ZFHX3: variants seen among roughly 807,000 people sequenced by gnomAD.
ZFHX3 encodes zinc finger homeobox protein 3.
Under a neutral mutation model 279.1 loss-of-function variants are expected in ZFHX3, and 42 were observed. The ratio of observed to expected loss-of-function variants is 0.15; its 90% confidence interval spans 0.12 to 0.19. ZFHX3 has a LOEUF of 0.19. ZFHX3 is among the 10% of genes least tolerant of loss of function. ZFHX3 has a pLI of 1.00. For synonymous variants in ZFHX3, 2,293 were observed against 1,957.8 expected, an observed-to-expected ratio of 1.17 and a Z score of -4.52; for missense variants, 4,981 against 4,754.0, an observed-to-expected ratio of 1.05 and a Z score of -1.40.
chr16:73,395,372 G>A (rs1277203111), intron 3 of ZFHX3, among the ~76,000 whole-genome samples: 1 of 152,016 alleles, frequency 6.6e-6, no homozygotes, highest in African/African-American at 2.4e-5. Flanking sequence ...GCTGAGGTAG[G>A]AGAATCACTT....
At chr16:73,187,666 T>A (rs931766848) in intron 5 of ZFHX3, among the ~76,000 whole-genome samples, 1 of 152,176 alleles carries the variant, frequency 6.6e-6, no homozygotes, top group African/African-American at 2.4e-5. Flanking sequence ...AGACCAGAAA[T>A]GGAGCAGGCG....
intron 1 of ZFHX3, among the ~76,000 whole-genome samples, chr16:73,879,038 C>G (rs143861147): frequency 9.4e-4 from 142 of 150,804 alleles, no homozygotes; most frequent in Middle Eastern, 3.5e-3. Context: ...CATTTTGCTT[C>G]TTAATTTCCA....
At chr16:73,094,901 G>A (rs1171712872) in intron 7 of ZFHX3, among the ~76,000 whole-genome samples, 1 of 151,984 alleles carries the variant, frequency 6.6e-6, no homozygotes. Flanking sequence ...TAGAGATAGG[G>A]TTTTCCTCAT....
intron 4 of ZFHX3, among the ~76,000 whole-genome samples, chr16:73,294,506 C>T (rs973160565): frequency 6.6e-6 from 1 of 152,210 alleles, no homozygotes; most frequent in African/African-American, 2.4e-5. Context: ...TGCTCAGTAA[C>T]ATAGTTTAAA....
intron 3 of ZFHX3, among the ~76,000 whole-genome samples, chr16:72,926,385 T>G (rs538272759): frequency 2.0e-5 from 3 of 152,206 alleles, no homozygotes; most frequent in South Asian, 2.1e-4. Flanking sequence ...ATGGAAGAGG[T>G]GAAAGAGCTA....
At chr16:73,773,964 C>T (rs745499883) in intron 1 of ZFHX3, among the ~76,000 whole-genome samples, 2 of 151,808 alleles carry the variant, frequency 1.3e-5, no homozygotes, top group African/African-American at 2.4e-5. Flanking sequence ...ATAATGAGAC[C>T]CTCTTTCTAC....
chr16:73,273,971 C>T (rs1162049222), intron 4 of ZFHX3, among the ~76,000 whole-genome samples: 2 of 152,010 alleles, frequency 1.3e-5, no homozygotes, highest in African/African-American at 4.8e-5. Context: ...GGTAAAACCC[C>T]ATCTCTACTA....
intron 4 of ZFHX3, among the ~76,000 whole-genome samples, chr16:72,841,996 G>C (rs189984473): frequency 3.9e-5 from 6 of 152,180 alleles, no homozygotes; most frequent in Non-Finnish European, 4.4e-5. Context: ...TCGGGCAGAA[G>C]GTGCAGTTTA....
chr16:73,124,772 G>A (rs1157662704), intron 7 of ZFHX3, among the ~76,000 whole-genome samples: 7 of 152,212 alleles, frequency 4.6e-5, no homozygotes, highest in Admixed American at 4.6e-4. Flanking sequence ...TGGGAAGCAA[G>A]GACAGGGCAT....
rs1028317799 is a variant in ZFHX3, at chr16:73,168,215, CTT to C, written c.-1103-24386_-1103-24385del. Among the ~76,000 whole-genome samples, 621 of 92,468 alleles carry C rather than the reference CTT, an allele frequency of 6.7e-3. 12 individuals are homozygous for C. Among genetic ancestry groups the C allele is most frequent in the African/African-American group, 0.028 (598 of 21,562 alleles). The allele number at this position is 92,468 out of a possible 152,430, so 60.7% of individuals were successfully genotyped here. A position where few individuals can be genotyped will look rare whatever the true frequency, so the allele number is the denominator to read the frequency against. ...TTAACACTATAGTTTCTTTTGTTTT[CTT>C]TCTTTCTTTCTTTCTTTCTTTCTTT... On this transcript the variant is annotated intron_variant, in intron 5 of 17. Coordinates refer to the ZFHX3 transcript ENST00000641206.
At chr16:73,107,908 T>A (rs1404585288) in intron 7 of ZFHX3, among the ~76,000 whole-genome samples, 2 of 152,122 alleles carry the variant, frequency 1.3e-5, no homozygotes, top group African/African-American at 2.4e-5. Flanking sequence ...ATGCCTGTAA[T>A]CCCAGCACTT....
intron 3 of ZFHX3, among the ~76,000 whole-genome samples, chr16:73,370,556 GC>G (rs1348487325): frequency 6.6e-6 from 1 of 152,160 alleles, no homozygotes; most frequent in Non-Finnish European, 1.5e-5. Context: ...GGTCAGTAAA[GC>G]CCGTGTGCTA....
chr16:73,280,337 T>C (rs997352240), intron 4 of ZFHX3, among the ~76,000 whole-genome samples: 2 of 152,138 alleles, frequency 1.3e-5, no homozygotes, highest in Admixed American at 6.5e-5. Flanking sequence ...GGAGAAAATA[T>C]TTGCAAGCCA....
chr16:73,793,431 C>T (rs1024951299), intron 1 of ZFHX3, among the ~76,000 whole-genome samples: 2 of 152,236 alleles, frequency 1.3e-5, no homozygotes, highest in African/African-American at 4.8e-5. Context: ...ATCATCATTT[C>T]CAGGCTTCAA....
chr16:72,941,663 TA>T (rs1424428496), intron 3 of ZFHX3, among the ~76,000 whole-genome samples: 2 of 151,300 alleles, frequency 1.3e-5, no homozygotes, highest in Non-Finnish European at 2.9e-5. Context: ...TATTTTTTTT[TA>T]ATGTCATATA....
chr16:73,276,966 C>A (rs999067972), intron 4 of ZFHX3, among the ~76,000 whole-genome samples: 3 of 152,196 alleles, frequency 2.0e-5, no homozygotes, highest in African/African-American at 7.2e-5. Context: ...ACAGGTCAGA[C>A]ATGGACAAAA....
At chr16:73,399,876 GAGGGTACACC>G (rs1324825754) in intron 3 of ZFHX3, among the ~76,000 whole-genome samples, 1 of 147,852 alleles carries the variant, frequency 6.8e-6, no homozygotes, top group Non-Finnish European at 1.5e-5. Context: ...CTAGATAGCA[GAGGGTACACC>G]CCCAGAGGCT....
intron 6 of ZFHX3, among the ~76,000 whole-genome samples, chr16:73,135,898 C>G (rs1966780693): frequency 6.6e-6 from 1 of 151,416 alleles, no homozygotes; most frequent in African/African-American, 2.4e-5. Context: ...CGCTTTGTCG[C>G]CCAGGCTGGA....
chr16:73,237,174 T>A (rs2012975791), intron 5 of ZFHX3, among the ~76,000 whole-genome samples: 1 of 152,336 alleles, frequency 6.6e-6, no homozygotes, highest in African/African-American at 2.4e-5. Context: ...GGTCTTAATC[T>A]GGTGCCATTT....
Sources: gnomAD v4.1 joint callset for allele counts (sites outside exome capture counted in the v4.1 genomes callset) on GRCh38, gnomAD v4.1.1 for gene constraint, MANE v1.5 for transcripts, NCBI Gene and HGNC (gene_info 2026-07-23, HGNC 2026-07-21) for gene names.